The following ELMO1 variants were observed in gnomAD, a reference collection of about 807,000 sequenced individuals.
The protein encoded by ELMO1 is engulfment and cell motility 1.
In ELMO1, 26 loss-of-function variants were observed where a neutral mutation model predicts 98.9. The ratio of observed to expected loss-of-function variants is 0.26; its 90% CI spans 0.19 to 0.36. ELMO1 has a LOEUF of 0.36. Ranked by LOEUF, ELMO1 falls within the 10% of genes least tolerant of loss-of-function variation. The pLI is 1.00. For missense variants in ELMO1, 627 were observed against 935.2 expected (o/e 0.67, Z 4.30); for synonymous variants, 346 against 346.0 (o/e 1.00, Z 0.00).
At chr7:37,131,203 T>C (rs1278841520) in intron 14 of ELMO1, among the ~76,000 whole-genome samples, 1 of 151,824 alleles carries the variant, frequency 6.6e-6, no homozygotes, top group Non-Finnish European at 1.5e-5. Flanking sequence ...CAAAGTCAAA[T>C]GGGACACAGA....
chr7:37,016,981 C>G (rs919935539), intron 15 of ELMO1, among the ~76,000 whole-genome samples: 1 of 152,160 alleles, frequency 6.6e-6, no homozygotes, highest in Non-Finnish European at 1.5e-5. Context: ...AATTGTTTTT[C>G]TATCCACAGA....
intron 13 of ELMO1, among the ~76,000 whole-genome samples, chr7:37,163,790 A>G (rs1376248972): frequency 1.3e-5 from 2 of 152,182 alleles, no homozygotes; most frequent in African/African-American, 4.8e-5. Flanking sequence ...TAGTGCCGCA[A>G]TAAACATACG....
intron 14 of ELMO1, among the ~76,000 whole-genome samples, chr7:37,122,588 G>A (rs140348521): frequency 7.3e-4 from 111 of 152,178 alleles, no homozygotes; most frequent in Non-Finnish European, 4.1e-4. Flanking sequence ...AAGAGTTAAC[G>A]ATCCTAAATA....
At chr7:37,045,854 A>G (rs149868062) in intron 15 of ELMO1, among the ~76,000 whole-genome samples, 149 of 152,288 alleles carry the variant, frequency 9.8e-4, no homozygotes, top group African/African-American at 3.1e-3. Flanking sequence ...CATTATCTAG[A>G]TAACAACCAC....
chr7:37,208,233 A>G (rs1792749319), intron 13 of ELMO1, among the ~76,000 whole-genome samples: 1 of 152,242 alleles, frequency 6.6e-6, no homozygotes, highest in South Asian at 2.1e-4. Context: ...GGGCCCTCCC[A>G]TAATCTCAAA....
At chr7:37,207,288 C>T (rs930423700) in intron 13 of ELMO1, among the ~76,000 whole-genome samples, 4 of 152,220 alleles carry the variant, frequency 2.6e-5, no homozygotes, top group African/African-American at 4.8e-5. Flanking sequence ...CGGTGGCTCA[C>T]GCCTGTAATC....
intron 5 of ELMO1, among the ~76,000 whole-genome samples, chr7:37,263,668 G>A (rs981127038): frequency 1.3e-5 from 2 of 152,182 alleles, no homozygotes; most frequent in South Asian, 2.1e-4. Context: ...ACATTGGGGA[G>A]TGGAATATTC....
chr7:37,424,419 T>C (rs1804622609), intron 1 of ELMO1, among the ~76,000 whole-genome samples: 1 of 152,166 alleles, frequency 6.6e-6, no homozygotes, highest in Non-Finnish European at 1.5e-5. Context: ...GTAGGCTACA[T>C]AGTTTAGAAA....
intron 16 of ELMO1, among the ~76,000 whole-genome samples, chr7:37,012,179 G>C (rs532543894): frequency 6.6e-6 from 1 of 152,318 alleles, no homozygotes; most frequent in East Asian, 1.9e-4. Context: ...AAGAAACTCA[G>C]GTTAGGACCT....
At chr7:37,291,290 A>C (rs1797667752) in intron 4 of ELMO1, among the ~76,000 whole-genome samples, 1 of 152,228 alleles carries the variant, frequency 6.6e-6, no homozygotes, top group African/African-American at 2.4e-5. Context: ...ATCTCTTTAA[A>C]ATATATAGCT....
At chr7:37,256,812 A>C in intron 6 of ELMO1, among the ~76,000 whole-genome samples, 1 of 139,814 alleles carries the variant, frequency 7.2e-6, no homozygotes, top group African/African-American at 2.6e-5. Flanking sequence ...AAGGAGAGGA[A>C]GGGGACAGAA....
Position 36,970,200 on chromosome 7 carries a change from C to T in ELMO1, c.1437+43099G>A, listed in dbSNP as rs150355286. On this transcript the variant is annotated intron_variant, in intron 16 of 21. Transcript: ENST00000310758. ...CACTTAACACACACACACACACACACACACACACACACACACACACGCACA... is the reference window on the plus strand; with the variant it reads ...CACTTAACACACACACACACACACATACACACACACACACACACACGCACA... Among the ~76,000 whole-genome samples, 634 of 150,604 alleles carry T rather than the reference C, an allele frequency of 4.2e-3. 10 individuals are homozygous for T. Among genetic ancestry groups the T allele is most frequent in the African/African-American group, 0.015 (604 of 41,254 alleles).
At chr7:37,128,014 G>A (rs1040990806) in intron 14 of ELMO1, among the ~76,000 whole-genome samples, 25 of 152,058 alleles carry the variant, frequency 1.6e-4, no homozygotes, top group Non-Finnish European at 2.1e-4. Flanking sequence ...CCAACACGGC[G>A]AAACCCCATC....
At chr7:37,420,659 C>A (rs193078475) in intron 1 of ELMO1, among the ~76,000 whole-genome samples, 1 of 152,294 alleles carries the variant, frequency 6.6e-6, no homozygotes, top group East Asian at 1.9e-4. Context: ...ACTCCACTGA[C>A]CACTTTGTTA....
At chr7:37,163,961 A>C (rs995479314) in intron 13 of ELMO1, among the ~76,000 whole-genome samples, 4 of 152,244 alleles carry the variant, frequency 2.6e-5, no homozygotes, top group Non-Finnish European at 5.9e-5. Flanking sequence ...CCAACAGTGT[A>C]ATAGTGTTCC....
At chr7:37,213,287 C>T in intron 12 of ELMO1, 48 bp downstream of exon 12, 1 of 1,585,562 alleles carries the variant, frequency 6.3e-7, no homozygotes. Context: ...CTTTTAATGA[C>T]ACTTTCTGTC....
chr7:37,007,555 A>G (rs1793229994), intron 16 of ELMO1, among the ~76,000 whole-genome samples: 1 of 152,220 alleles, frequency 6.6e-6, no homozygotes, highest in Non-Finnish European at 1.5e-5. Flanking sequence ...GCTAACCAAC[A>G]GAGCGCCGTC....
At chr7:37,428,550 G>T (rs1025752564) in intron 1 of ELMO1, among the ~76,000 whole-genome samples, 7 of 152,106 alleles carry the variant, frequency 4.6e-5, no homozygotes, top group African/African-American at 1.7e-4. Flanking sequence ...TGTAATATTG[G>T]TTCCTTTTTA....
intron 16 of ELMO1, among the ~76,000 whole-genome samples, chr7:36,910,162 T>A (rs947933318): frequency 6.6e-6 from 1 of 152,216 alleles, no homozygotes; most frequent in Non-Finnish European, 1.5e-5. Context: ...CCTGGAATTT[T>A]TGGCTAAGCT....
Sources: gnomAD v4.1 joint callset for allele counts (sites outside exome capture counted in the v4.1 genomes callset) on GRCh38, gnomAD v4.1.1 for gene constraint, MANE v1.5 for transcripts, NCBI Gene and HGNC (gene_info 2026-07-23, HGNC 2026-07-21) for gene names.